ZMIZ1: variants seen among roughly 807,000 people sequenced by gnomAD.
ZMIZ1 encodes zinc finger MIZ domain-containing protein 1.
A neutral mutation model predicts 113.9 loss-of-function variants in ZMIZ1; 17 were observed. The ratio of observed to expected loss-of-function variants is 0.15; its 90% confidence interval spans 0.10 to 0.22. The LOEUF (loss-of-function observed/expected upper bound fraction) is 0.22, where lower values mean the gene tolerates loss of function less well. Ranked by LOEUF, ZMIZ1 falls within the 10% of genes least tolerant of loss-of-function variation. ZMIZ1 has a pLI of 1.00. For synonymous variants in ZMIZ1, 607 were observed against 603.1 expected, an observed-to-expected ratio of 1.01 and a Z score of -0.09; for missense variants, 1,059 against 1,477.8, an observed-to-expected ratio of 0.72 and a Z score of 4.65.
intron 3 of ZMIZ1, among the ~76,000 whole-genome samples, chr10:79,158,126 C>G (rs557419053): frequency 1.3e-5 from 2 of 152,320 alleles, no homozygotes; most frequent in African/African-American, 4.8e-5. Context: ...GGATGGGCAC[C>G]ATGGGCTGAG....
intron 2 of ZMIZ1, among the ~76,000 whole-genome samples, chr10:79,138,694 G>C (rs1373411132): frequency 6.6e-6 from 1 of 152,152 alleles, no homozygotes; most frequent in South Asian, 2.1e-4. Context: ...TCTGCACAAC[G>C]TTTGCCAAAG....
At chr10:79,095,126 T>G (rs934891112) in intron 1 of ZMIZ1, among the ~76,000 whole-genome samples, 1 of 152,138 alleles carries the variant, frequency 6.6e-6, no homozygotes, top group Non-Finnish European at 1.5e-5. Context: ...TTGTGGGACC[T>G]TGGGCATTTG....
At chr10:79,099,931 T>C (rs1843302702) in intron 1 of ZMIZ1, among the ~76,000 whole-genome samples, 1 of 152,144 alleles carries the variant, frequency 6.6e-6, no homozygotes, top group Non-Finnish European at 1.5e-5. Context: ...CCATCACTAC[T>C]GCTTGTATGA....
intron 7 of ZMIZ1, among the ~76,000 whole-genome samples, chr10:79,225,079 G>A (rs747287481): frequency 3.9e-5 from 6 of 152,068 alleles, no homozygotes; most frequent in Admixed American, 6.5e-5. Context: ...GCAGGTGGAT[G>A]AACCCTTGGC....
intron 4 of ZMIZ1, among the ~76,000 whole-genome samples, chr10:79,175,592 G>GTGTGTGTGTGTGTGTGTGTA (rs1846803982): frequency 8.8e-5 from 9 of 102,804 alleles, no homozygotes; most frequent in African/African-American, 5.7e-4. Flanking sequence ...GCGTGTGTGT[G>GTGTGTGTGTGTGTGTGTGTA]TGTGTGTGTG....
chr10:79,224,014 G>A (rs905383374), intron 7 of ZMIZ1, among the ~76,000 whole-genome samples: 1 of 152,312 alleles, frequency 6.6e-6, no homozygotes, highest in African/African-American at 2.4e-5. Context: ...GAATGAGAAA[G>A]GGCAGATGTG....
At chr10:79,105,267 C>T (rs1726204030) in intron 1 of ZMIZ1, among the ~76,000 whole-genome samples, 2 of 152,178 alleles carry the variant, frequency 1.3e-5, no homozygotes, top group Non-Finnish European at 2.9e-5. Context: ...TAAGTGCCTC[C>T]GTGTGGCATA....
At chr10:79,135,927 A>G (rs1484610050) in intron 2 of ZMIZ1, among the ~76,000 whole-genome samples, 1 of 151,006 alleles carries the variant, frequency 6.6e-6, no homozygotes, top group Non-Finnish European at 1.5e-5. Context: ...GCCGCCAGAG[A>G]TCTCCCTCTC....
chr10:79,275,891 A>G (rs1852256594), intron 7 of ZMIZ1, among the ~76,000 whole-genome samples: 1 of 152,214 alleles, frequency 6.6e-6, no homozygotes, highest in Non-Finnish European at 1.5e-5. Flanking sequence ...TGGTCAAGAA[A>G]AAAAAAGGAT....
intron 8 of ZMIZ1, among the ~76,000 whole-genome samples, chr10:79,278,693 G>A (rs933738200): frequency 1.3e-5 from 2 of 151,722 alleles, no homozygotes; most frequent in African/African-American, 4.8e-5. Context: ...ATCTTGCACC[G>A]CCCTTAATCC....
intron 4 of ZMIZ1, among the ~76,000 whole-genome samples, chr10:79,193,932 C>T (rs1847719557): frequency 6.6e-6 from 1 of 152,184 alleles, no homozygotes; most frequent in Non-Finnish European, 1.5e-5. Flanking sequence ...CTGACATGTG[C>T]AGGTTGGCAG....
At chr10:79,150,272 C>T (rs894751727) in intron 3 of ZMIZ1, among the ~76,000 whole-genome samples, 6 of 152,188 alleles carry the variant, frequency 3.9e-5, no homozygotes, top group Admixed American at 6.5e-5. Flanking sequence ...GTATTCTCTA[C>T]GGCTGGCACT....
intron 7 of ZMIZ1, among the ~76,000 whole-genome samples, chr10:79,265,306 G>A (rs376531826): frequency 1.1e-4 from 16 of 152,182 alleles, no homozygotes; most frequent in Non-Finnish European, 2.1e-4. Flanking sequence ...GAGCTGGGCC[G>A]GGAGCCTGCT....
In ZMIZ1 at chr10:79,313,251, T is replaced by C. The variant is rs1589628675; in HGVS notation, c.*502T>C. ...CCGAGCCTTGGAGGAGCACTGGCAG[T>C]TGGTGGCAGTGAGACCAGCCCACCC... On this transcript the variant is annotated 3_prime_UTR_variant, in exon 25 of 25. Coordinates refer to ENST00000334512, the MANE Select transcript of ZMIZ1 (RefSeq NM_020338.4). 1 of 153,536 alleles carries C rather than the reference T, an allele frequency of 6.5e-6. No individual in the cohort carries two copies. Among genetic ancestry groups the C allele is most frequent in the Non-Finnish European group, 1.4e-5 (1 of 70,180 alleles). 9.5% of individuals were successfully genotyped at this position (153,536 alleles called of 1,614,324 possible). A position where few individuals can be genotyped will look rare whatever the true frequency, so the allele number is the denominator to read the frequency against.
chr10:79,114,693 G>A (rs895503868), intron 1 of ZMIZ1, among the ~76,000 whole-genome samples: 1 of 152,152 alleles, frequency 6.6e-6, no homozygotes, highest in Non-Finnish European at 1.5e-5. Flanking sequence ...TTTTTTTCTG[G>A]ATGGCTCTGG....
rs184960762 is a variant in ZMIZ1 at position 79,314,150 on chromosome 10, G to C, written c.*1401G>C. 2.2e-6 allele frequency: 1 copy of C among 456,972 alleles called. No individual in the cohort carries two copies. 28.3% of individuals were successfully genotyped at this position (456,972 alleles called of 1,614,324 possible). The stretch of plus-strand genomic sequence containing the variant: ...AGCAGCCTCTGGCCTTCCCTCCACC[G>C]CTTTGCTCCATCTGGCTTACCACTC... On this transcript the variant is annotated 3_prime_UTR_variant, in exon 25 of 25. Coordinates refer to ENST00000334512, the MANE Select transcript of ZMIZ1 (RefSeq NM_020338.4).
intron 2 of ZMIZ1, among the ~76,000 whole-genome samples, chr10:79,123,799 C>T (rs1280119482): frequency 2.0e-5 from 3 of 152,194 alleles, no homozygotes; most frequent in Admixed American, 6.5e-5. Context: ...GTTACATAGG[C>T]GGTTTGGGGC....
intron 7 of ZMIZ1, among the ~76,000 whole-genome samples, chr10:79,225,687 T>TG (rs1275710080): frequency 1.3e-5 from 2 of 152,194 alleles, no homozygotes; most frequent in South Asian, 4.1e-4. Context: ...ATCCCAATGA[T>TG]GGAAAGACAG....
chr10:79,311,298 CGG>C, intron 24 of ZMIZ1, 114 bp downstream of exon 24: 61 of 131,378 alleles, frequency 4.6e-4, no homozygotes, highest in Middle Eastern at 2.7e-3. Context: ...GGTGGGTGGG[CGG>C]TGGGAGGGCT....
Sources: gnomAD v4.1 joint callset for allele counts (sites outside exome capture counted in the v4.1 genomes callset) on GRCh38, gnomAD v4.1.1 for gene constraint, MANE v1.5 for transcripts, NCBI Gene and HGNC (gene_info 2026-07-23, HGNC 2026-07-21) for gene names.